The following RBFOX1 variants were observed in gnomAD, a reference collection of about 807,000 sequenced individuals.
RBFOX1 encodes RNA binding protein fox-1 homolog 1.
In RBFOX1, 8 loss-of-function variants were observed where a neutral mutation model predicts 57.7. The ratio of observed to expected loss-of-function variants is 0.14; its 90% confidence interval spans 0.08 to 0.25. The LOEUF (loss-of-function observed/expected upper bound fraction) is 0.25, where lower values mean the gene tolerates loss of function less well. Among genes scored for constraint, RBFOX1 ranks in the 10% least tolerant of loss-of-function variants. RBFOX1 has a pLI of 1.00. For missense variants in RBFOX1, 611 were observed against 548.5 expected (o/e 1.11, Z -1.14); for synonymous variants, 326 against 222.4 (o/e 1.47, Z -4.15).
In RBFOX1 at chr16:5,733,256, A is replaced by C. The variant is rs533240261; in HGVS notation, c.319-134047A>C. ...CTAAACTTTCACTTTGGCTTGTGAG[A>C]ATATACAAACGCTTCTGAGCACCAC... On this transcript the variant is annotated intron_variant, in intron 3 of 19. Transcript: ENST00000641259. 2.0e-5 allele frequency among the ~76,000 whole-genome samples: 3 copies of C among 152,276 alleles called. No homozygotes were observed. In the East Asian group the frequency reaches 5.8e-4, roughly 29 times the overall value.
At chr16:6,149,746 G>A (rs1458836730) in intron 1 of RBFOX1, among the ~76,000 whole-genome samples, 1 of 152,214 alleles carries the variant, frequency 6.6e-6, no homozygotes, top group Non-Finnish European at 1.5e-5. Context: ...CTTTAAGACT[G>A]GAGAAAGATA....
At chr16:6,226,946 TAAAA>T (rs573474385) in intron 1 of RBFOX1, among the ~76,000 whole-genome samples, 1 of 101,036 alleles carries the variant, frequency 9.9e-6, no homozygotes, top group Non-Finnish European at 2.1e-5. Flanking sequence ...CCATCTCTAC[TAAAA>T]AAAAAAAAAA....
chr16:6,915,670 C>A (rs916217743), intron 3 of RBFOX1, among the ~76,000 whole-genome samples: 2 of 151,402 alleles, frequency 1.3e-5, no homozygotes, highest in Admixed American at 6.6e-5. Flanking sequence ...CCTGCCTCAG[C>A]CTTCAGAGTA....
chr16:5,542,154 A>C (rs1254427333), intron 2 of RBFOX1, among the ~76,000 whole-genome samples: 1 of 152,130 alleles, frequency 6.6e-6, no homozygotes, highest in East Asian at 1.9e-4. Context: ...TTTCAAGAGT[A>C]ATCGACTCTG....
rs910050214 is a variant in RBFOX1, at chr16:5,724,836, G to A, written c.318+125875G>A. 7.9e-5 allele frequency among the ~76,000 whole-genome samples: 12 copies of A among 152,060 alleles called. 1 individual carries two copies. Among genetic ancestry groups the A allele is most frequent in the Non-Finnish European group, 1.3e-4 (9 of 68,004 alleles). On this transcript the variant is annotated intron_variant, in intron 3 of 19. Transcript: ENST00000641259. ...GCCCACTAACATAGATGGTATCCCC[G>A]CCTTCCTGGAAAAATGAAAGTTACC...
chr16:7,224,504 G>C (rs2092965011), intron 4 of RBFOX1, among the ~76,000 whole-genome samples: 1 of 151,214 alleles, frequency 6.6e-6, no homozygotes, highest in Non-Finnish European at 1.5e-5. Context: ...ACTGCTACCT[G>C]GGACCTGCCC....
At chr16:6,922,499 CTG>C (rs1233150419) in intron 3 of RBFOX1, among the ~76,000 whole-genome samples, 1 of 152,104 alleles carries the variant, frequency 6.6e-6, no homozygotes, top group Non-Finnish European at 1.5e-5. Context: ...ATTTTCTTTG[CTG>C]TGTTTTTCCA....
At chr16:6,507,404 C>G (rs1202365166) in intron 2 of RBFOX1, among the ~76,000 whole-genome samples, 1 of 147,580 alleles carries the variant, frequency 6.8e-6, no homozygotes, top group Non-Finnish European at 1.5e-5. Context: ...GGCATGGAGG[C>G]TAATGCCTGT....
At chr16:7,105,772 A>T (rs1481725935) in intron 4 of RBFOX1, among the ~76,000 whole-genome samples, 1 of 111,512 alleles carries the variant, frequency 9.0e-6, no homozygotes, top group East Asian at 2.5e-4. Context: ...CTATATATCT[A>T]TGTAGATGTA....
intron 4 of RBFOX1, among the ~76,000 whole-genome samples, chr16:7,347,879 C>G (rs895459530): frequency 6.6e-6 from 1 of 152,156 alleles, no homozygotes; most frequent in Non-Finnish European, 1.5e-5. Context: ...AGACAGGCGT[C>G]TTGCAGGGTG....
intron 3 of RBFOX1, among the ~76,000 whole-genome samples, chr16:6,916,566 A>G (rs189498913): frequency 2.6e-5 from 4 of 151,504 alleles, no homozygotes; most frequent in Admixed American, 1.3e-4. Context: ...AAGAAATCCC[A>G]TAAATCATCG....
intron 4 of RBFOX1, among the ~76,000 whole-genome samples, chr16:7,347,242 C>G (rs760532527): frequency 6.6e-6 from 1 of 152,046 alleles, no homozygotes; most frequent in Non-Finnish European, 1.5e-5. Flanking sequence ...AAAGACATAC[C>G]GGAGACTGGG....
chr16:7,411,506 C>A (rs2098424737), intron 4 of RBFOX1, among the ~76,000 whole-genome samples: 1 of 152,192 alleles, frequency 6.6e-6, no homozygotes, highest in Admixed American at 6.5e-5. Context: ...TAACTCTTTT[C>A]TTCCCCCAAA....
chr16:7,190,780 T>C (rs1466538266), intron 4 of RBFOX1, among the ~76,000 whole-genome samples: 2 of 152,224 alleles, frequency 1.3e-5, no homozygotes, highest in African/African-American at 4.8e-5. Context: ...TTTATGGCAT[T>C]GCTCATATTC....
intron 3 of RBFOX1, among the ~76,000 whole-genome samples, chr16:6,862,993 A>AG (rs1176153863): frequency 6.6e-6 from 1 of 151,896 alleles, no homozygotes; most frequent in Non-Finnish European, 1.5e-5. Context: ...TAAAAAAAAA[A>AG]AAAGGAAGAC....
At chr16:6,665,099 G>A (rs1308052690) in intron 3 of RBFOX1, among the ~76,000 whole-genome samples, 1 of 152,160 alleles carries the variant, frequency 6.6e-6, no homozygotes, top group African/African-American at 2.4e-5. Context: ...GCTGGATGCT[G>A]GTACTTTAAT....
At chr16:7,078,731 G>A (rs757609655) in intron 4 of RBFOX1, among the ~76,000 whole-genome samples, 9 of 148,326 alleles carry the variant, frequency 6.1e-5, no homozygotes, top group Non-Finnish European at 1.2e-4. Flanking sequence ...CACCCAGGCT[G>A]GAGTGCAATG....
At chr16:6,773,440 TGGG>T (rs560611896) in intron 3 of RBFOX1, among the ~76,000 whole-genome samples, 27 of 130,818 alleles carry the variant, frequency 2.1e-4, no homozygotes, top group South Asian at 2.1e-3. Context: ...GCATTTGTCT[TGGG>T]GGGCATAGGG....
At chr16:7,005,317 G>T in intron 3 of RBFOX1, among the ~76,000 whole-genome samples, 1 of 152,096 alleles carries the variant, frequency 6.6e-6, no homozygotes, top group African/African-American at 2.4e-5. Context: ...CCCTTTCAAT[G>T]AGACTGTGTT....
Sources: gnomAD v4.1 joint callset for allele counts (sites outside exome capture counted in the v4.1 genomes callset) on GRCh38, gnomAD v4.1.1 for gene constraint, MANE v1.5 for transcripts, NCBI Gene and HGNC (gene_info 2026-07-23, HGNC 2026-07-21) for gene names.